IARS1: variants seen among roughly 807,000 people sequenced by gnomAD.
IARS1 encodes isoleucine--tRNA ligase, cytoplasmic.
Under a neutral mutation model 168.2 loss-of-function variants are expected in IARS1, and 124 were observed. The ratio of observed to expected loss-of-function variants is 0.74; its 90% CI spans 0.64 to 0.86. The LOEUF (loss-of-function observed/expected upper bound fraction) is 0.86, where lower values mean the gene tolerates loss of function less well. Among genes scored for constraint, IARS1 ranks in the 40% least tolerant of loss-of-function variants. The pLI is 0.00. For missense variants in IARS1, 1,452 were observed against 1,515.8 expected (o/e 0.96, Z 0.70); for synonymous variants, 532 against 529.4 (o/e 1.00, Z -0.07).
intron 17 of IARS1, 103 bp downstream of exon 17, chr9:92,262,866 A>C: frequency 2.6e-6 from 2 of 778,574 alleles, no homozygotes; most frequent in Non-Finnish European, 4.5e-6. Context: ...GTGGAGACAA[A>C]GCTCCACCTG....
In IARS1 at chr9:92,280,833, A is replaced by C; in HGVS notation, c.658T>G (p.Leu220Val). The C allele has an allele frequency of 6.2e-7, 1 of 1,610,804 alleles. No individual in the cohort carries two copies. Residue 220 changes from leucine (L) to valine (V), a missense_variant, in exon 7 of 34, where the codon TTA becomes GTA. Transcript: ENST00000443024. ...FPLEEDETVS[L>V]VAWTTTPWTL... ...CAGGGAGTGGTTGTCCAAGCAACTA[A>C]AGATACAGTTTCATCTTCTTCCAAA... is the stretch of plus-strand genomic sequence containing the variant.
intron 30 of IARS1, chr9:92,240,576 T>C: frequency 6.2e-6 from 4 of 646,432 alleles, no homozygotes; most frequent in South Asian, 1.8e-5. Flanking sequence ...TTTTTTTTAA[T>C]TGAGGCAGGA....
At chr9:92,226,776 G>T (rs1825756276) in intron 31 of IARS1, among the ~76,000 whole-genome samples, 1 of 150,108 alleles carries the variant, frequency 6.7e-6, no homozygotes, top group Non-Finnish European at 1.5e-5. Flanking sequence ...CATTTTCTCC[G>T]TGTGTTTCTA....
At chr9:92,274,562 CTG>C (rs1206664270) in intron 9 of IARS1, 41 bp from the exon 10 acceptor site, 4 of 1,397,416 alleles carry the variant, frequency 2.9e-6, no homozygotes, top group Non-Finnish European at 4.1e-6. Context: ...TGAAACATTA[CTG>C]TGTTACAACG....
chr9:92,252,882 T>C (rs76126301), intron 21 of IARS1, among the ~76,000 whole-genome samples: 47 of 151,552 alleles, frequency 3.1e-4, no homozygotes, highest in African/African-American at 1.1e-3. Flanking sequence ...TTGTTATTTA[T>C]GTACCTGGCT....
intron 31 of IARS1, 146 bp downstream of exon 31, chr9:92,228,855 C>G (rs894027913): frequency 1.1e-5 from 9 of 807,054 alleles, no homozygotes; most frequent in Non-Finnish European, 1.4e-5. Flanking sequence ...ATAGACACTG[C>G]AGGCAGGCAC....
At chr9:92,221,424 C>T (rs146417120) in intron 33 of IARS1, among the ~76,000 whole-genome samples, 1 of 152,274 alleles carries the variant, frequency 6.6e-6, no homozygotes, top group African/African-American at 2.4e-5. Flanking sequence ...TGGTAAAAGT[C>T]TTGAATTGAG....
At chr9:92,217,164 T>C (rs1838854521) in intron 33 of IARS1, among the ~76,000 whole-genome samples, 1 of 151,946 alleles carries the variant, frequency 6.6e-6, no homozygotes, top group African/African-American at 2.4e-5. Flanking sequence ...AACCTGCTCC[T>C]GAATGACTAA....
intron 33 of IARS1, among the ~76,000 whole-genome samples, chr9:92,218,842 C>T (rs1403266616): frequency 2.6e-5 from 4 of 151,346 alleles, no homozygotes; most frequent in Non-Finnish European, 5.9e-5. Flanking sequence ...AATGGTCATA[C>T]TGCCCAAGGT....
chr9:92,214,892 G>T (rs1345613450), intron 33 of IARS1, among the ~76,000 whole-genome samples: 1 of 151,856 alleles, frequency 6.6e-6, no homozygotes. Flanking sequence ...CAAAGCAGCC[G>T]GGAAGCTCGA....
chr9:92,260,351 TTAGA>T, intron 17 of IARS1, 117 bp from the exon 18 acceptor site: 1 of 792,244 alleles, frequency 1.3e-6, no homozygotes. Context: ...AAGGAGTAAC[TTAGA>T]TAGAAGTTAG....
intron 29 of IARS1, among the ~76,000 whole-genome samples, chr9:92,241,426 A>T (rs1170642249): frequency 2.0e-5 from 3 of 151,950 alleles, no homozygotes; most frequent in Admixed American, 2.0e-4. Flanking sequence ...GCTCACTGCA[A>T]CCTCCACCTC....
At chr9:92,226,661 A>G (rs1330940308) in intron 31 of IARS1, among the ~76,000 whole-genome samples, 1 of 152,084 alleles carries the variant, frequency 6.6e-6, no homozygotes, top group Middle Eastern at 3.2e-3. Context: ...CTGTAGGCGA[A>G]TTCTTTTTTG....
At chr9:92,288,100 T>C (rs780556469) in intron 3 of IARS1, 26 bp downstream of exon 3, 1 of 1,593,332 alleles carries the variant, frequency 6.3e-7, no homozygotes, top group South Asian at 1.1e-5. Context: ...AATCAGAAAA[T>C]TATAAAGCTG....
At chr9:92,242,480 A>T (rs1828581919) in intron 28 of IARS1, 150 bp from the exon 29 acceptor site, 1 of 613,662 alleles carries the variant, frequency 1.6e-6, no homozygotes, top group Non-Finnish European at 2.9e-6. Context: ...GATCCGTAAG[A>T]CTAACTGCAC....
Position 92,247,402 on chromosome 9 carries a change from C to T in IARS1, c.2766G>A (p.Glu922=). The T allele has an allele frequency of 6.2e-7, 1 of 1,614,118 alleles. No homozygotes were observed. Among genetic ancestry groups the T allele is most frequent in the Non-Finnish European group, 8.5e-7 (1 of 1,180,004 alleles). The change falls in exon 26 of 34, where the codon GAG becomes GAA. Residue 922 remains glutamate, a synonymous_variant. Coordinates refer to ENST00000443024, the MANE Select transcript of IARS1 (RefSeq NM_002161.6). ...CAGTCTTCTGGAACTGCTCCAGCTC[C>T]TCACTGCTCAACTGCTTGATGGACG... ...VMTSIKQLSS[E]ELEQFQKTGT...
At chr9:92,216,165 C>CCAAA (rs1167683199) in intron 33 of IARS1, among the ~76,000 whole-genome samples, 2 of 150,610 alleles carry the variant, frequency 1.3e-5, no homozygotes, top group East Asian at 3.9e-4. Flanking sequence ...TCATATCCAG[C>CCAAA]CAAACTAAGC....
At position 92,247,416 on chromosome 9, in the gene IARS1, G is replaced by A. The variant is rs1231537024; in HGVS notation, c.2752C>T (p.Gln918Ter). ...TGCTCCAGCTCCTCACTGCTCAACT[G>A]CTTGATGGACGTCATCACTGCCTTA... ...AFKAVMTSIK[Q>*]LSSEELEQFQ... Residue 918 changes from glutamine (Q) to a stop codon, truncating the protein, a stop_gained, in exon 26 of 34, where the codon CAG becomes TAG. Transcript: ENST00000443024. LOFTEE classifies it high-confidence loss of function. The A allele has an allele frequency of 5.0e-6, 8 of 1,614,022 alleles. No homozygotes were observed. The highest frequency in any genetic ancestry group is 6.8e-6 in the Non-Finnish European group (8 of 1,180,044).
Position 92,274,463 on chromosome 9 carries a change from C to T in IARS1, c.953G>A (p.Gly318Asp). Residue 318 changes from glycine to aspartate, a missense_variant, in exon 10 of 34, where the codon GGC (glycine) becomes GAC (aspartate). Physicochemically the swap from Gly to Asp is moderately conservative, Grantham distance 94 (BLOSUM62 -1). Transcript: ENST00000443024. ...LVDNYVKEEE[G>D]TGVVHQAPYF... ...AGGAGCTTGGTGGACAACCCCTGTG[C>T]CTTCTTCTTCCTTCACATAGTTGTC... 2.5e-6 allele frequency: 4 copies of T among 1,613,910 alleles called. No homozygotes were observed. The highest frequency in any genetic ancestry group is 3.4e-6 in the Non-Finnish European group (4 of 1,179,838).
Sources: allele counts gnomAD v4.1 joint callset (sites outside exome capture counted in the v4.1 genomes callset), GRCh38; gene constraint gnomAD v4.1.1; transcripts MANE v1.5; gene names NCBI Gene and HGNC (gene_info 2026-07-23, HGNC 2026-07-21).